C6orf89: variants seen among roughly 807,000 people sequenced by gnomAD.
The protein encoded by C6orf89 is chromosome 6 open reading frame 89.
In C6orf89, 29 loss-of-function variants were observed where a neutral mutation model predicts 40.7. The observed-to-expected ratio is 0.71, with a 90% CI of 0.53 to 0.97. C6orf89 has a LOEUF of 0.97. C6orf89 is among the 50% of genes least tolerant of loss of function. The pLI is 0.00. For missense variants in C6orf89, 392 were observed against 429.1 expected (o/e 0.91, Z 0.76); for synonymous variants, 165 against 152.2 (o/e 1.08, Z -0.62).
chr6:36,914,963 T>C lies in C6orf89; in HGVS notation c.695+270T>C, dbSNP rs181459524. On this transcript the variant is annotated intron_variant, in intron 6 of 8. Coordinates refer to ENST00000480824, the MANE Select transcript of C6orf89 (RefSeq NM_001286635.2). ...TGAGATCGCGCCATTGCCCTCCAGC[T>C]TGGGTGACAGAGTGAGACTGTGTCT... Among the ~76,000 whole-genome samples the C allele has an allele frequency of 2.6e-4, 39 of 152,252 alleles. No individual in the cohort carries two copies. The East Asian group carries it at 7.0e-3, about 27-fold the overall frequency.
intron 4 of C6orf89, among the ~76,000 whole-genome samples, chr6:36,911,936 C>CG (rs1240836504): frequency 7.1e-6 from 1 of 141,086 alleles, no homozygotes; most frequent in Admixed American, 7.1e-5. Flanking sequence ...GTGAACCCCC[C>CG]CCCCCCGACC....
At chr6:36,886,529 A>G (rs1774996112) in intron 1 of C6orf89, among the ~76,000 whole-genome samples, 1 of 152,236 alleles carries the variant, frequency 6.6e-6, no homozygotes, top group Non-Finnish European at 1.5e-5. Flanking sequence ...TTCTTGACAC[A>G]AGTAAAATAG....
intron 2 of C6orf89, among the ~76,000 whole-genome samples, chr6:36,895,528 T>C (rs914577589): frequency 2.0e-5 from 3 of 152,192 alleles, no homozygotes; most frequent in African/African-American, 7.2e-5. Context: ...TCCTTGCAGG[T>C]TTGTTAAAAA....
chr6:36,900,611 C>T (rs1761640994), intron 3 of C6orf89, among the ~76,000 whole-genome samples: 1 of 145,774 alleles, frequency 6.9e-6, no homozygotes, highest in African/African-American at 2.6e-5. Context: ...GTGATCCTCC[C>T]ATCTCAGCCT....
At chr6:36,907,402 G>A (rs756638717) in intron 4 of C6orf89, among the ~76,000 whole-genome samples, 2 of 152,164 alleles carry the variant, frequency 1.3e-5, no homozygotes, top group Non-Finnish European at 2.9e-5. Context: ...CAGCCTAAGT[G>A]AGTTTTCTTG....
At chr6:36,922,060 T>C (rs1053486858) in intron 8 of C6orf89, among the ~76,000 whole-genome samples, 2 of 151,718 alleles carry the variant, frequency 1.3e-5, no homozygotes, top group African/African-American at 4.8e-5. Context: ...TTTAAAGCCA[T>C]GCGCGATGGC....
chr6:36,885,931 C>T, upstream of C6orf89: 3 of 1,189,692 alleles, frequency 2.5e-6, no homozygotes, highest in Middle Eastern at 2.6e-4. Flanking sequence ...GGGGTTGCTT[C>T]CGGGTCGCGC....
At chr6:36,913,553 CA>C (rs1762199497) in intron 4 of C6orf89, among the ~76,000 whole-genome samples, 1 of 152,164 alleles carries the variant, frequency 6.6e-6, no homozygotes, top group Non-Finnish European at 1.5e-5. Flanking sequence ...TAATAGGGGT[CA>C]CCCTTCTATC....
At chr6:36,914,184 ATTATGATGTCT>A (rs1762228824) in intron 4 of C6orf89, 89 bp from the exon 5 acceptor site, 1 of 1,119,236 alleles carries the variant, frequency 8.9e-7, no homozygotes, top group Non-Finnish European at 1.3e-6. Flanking sequence ...AATAAAAGTC[ATTATGATGTCT>A]TTCCTTTCTT....
chr6:36,910,117 G>C (rs79788918), intron 4 of C6orf89, among the ~76,000 whole-genome samples: 127 of 151,884 alleles, frequency 8.4e-4, no homozygotes, highest in Middle Eastern at 3.4e-3. Context: ...CTATGGTTTG[G>C]AGTAGTTCCT....
Position 36,923,989 on chromosome 6 carries a change from G to A in C6orf89, c.*548G>A, listed in dbSNP as rs191533848. On this transcript the variant is annotated 3_prime_UTR_variant, in exon 9 of 9. Coordinates refer to ENST00000480824, the MANE Select transcript of C6orf89 (RefSeq NM_001286635.2). ...AAAAAAGTTCAGATAACTTTGAATT[G>A]CATTCAAGAAGTACACTTCTTTCCC... is the stretch of plus-strand genomic sequence containing the variant. 5.3e-6 allele frequency: 1 copy of A among 188,654 alleles called. No individual in the cohort carries two copies. The highest frequency in any genetic ancestry group is 1.3e-4 in the East Asian group (1 of 7,494). 11.7% of individuals were successfully genotyped at this position (188,654 alleles called of 1,614,324 possible). A position where few individuals can be genotyped will look rare whatever the true frequency, so the allele number is the denominator to read the frequency against.
At position 36,916,482 on chromosome 6, in the gene C6orf89, C is replaced by T; in HGVS notation, c.733C>T (p.Leu245Phe). The change falls in exon 7 of 9, where the codon CTT becomes TTT. Residue 245 changes from leucine (L) to phenylalanine (F), a missense_variant. By Grantham distance (22) the Leu-to-Phe change is conservative (BLOSUM62 0). Coordinates refer to ENST00000480824, the MANE Select transcript of C6orf89 (RefSeq NM_001286635.2). ...PLNRSQMLRE[L>F]FPVFTHLPFP... ...GAACAGATCACAAATGTTACGTGAGCTTTTTCCTGTTTTCACTCACCTGCC... is the reference window on the plus strand; with the variant it reads ...GAACAGATCACAAATGTTACGTGAGTTTTTTCCTGTTTTCACTCACCTGCC... The T allele has an allele frequency of 6.2e-7, 1 of 1,614,186 alleles. No individual in the cohort carries two copies. The highest frequency in any genetic ancestry group is 8.5e-7 in the Non-Finnish European group (1 of 1,180,028).
chr6:36,876,963 TCC>T (rs1016765919), intron 1 of C6orf89, among the ~76,000 whole-genome samples: 61 of 152,306 alleles, frequency 4.0e-4, no homozygotes, highest in African/African-American at 1.4e-3. Flanking sequence ...CATTCCTTCC[TCC>T]CAAAGGGTAG....
In C6orf89 at chr6:36,925,843, A is replaced by T. The variant is rs7757241; in HGVS notation, c.*2402A>T. On this transcript the variant is annotated 3_prime_UTR_variant, in exon 9 of 9. Coordinates refer to ENST00000480824, the MANE Select transcript of C6orf89 (RefSeq NM_001286635.2). ...CTCTGTATGACCCGGTGTGGGAAAG[A>T]GGGTTGTCAGGATGAGAAAGTGGGG... 42,774 of 152,132 alleles carry T rather than the reference A, an allele frequency of 0.28. 6,691 individuals are homozygous for T. Among genetic ancestry groups the T allele is most frequent in the African/African-American group, 0.42 (17,600 of 41,458 alleles). 9.4% of individuals were successfully genotyped at this position (152,132 alleles called of 1,614,324 possible).
chr6:36,890,433 A>G (rs1237005859), intron 1 of C6orf89, among the ~76,000 whole-genome samples: 1 of 152,182 alleles, frequency 6.6e-6, no homozygotes, highest in Non-Finnish European at 1.5e-5. Context: ...TTCACTTAGC[A>G]TAATGTCCTC....
intron 1 of C6orf89, among the ~76,000 whole-genome samples, chr6:36,893,987 G>A (rs1488045401): frequency 5.4e-5 from 8 of 148,392 alleles, no homozygotes; most frequent in African/African-American, 2.0e-4. Context: ...TTGCACCACT[G>A]TGCTCCAGCC....
rs955718130 is a variant in C6orf89 at position 36,926,003 on chromosome 6, G to C, written c.*2562G>C. On this transcript the variant is annotated 3_prime_UTR_variant, in exon 9 of 9. Coordinates refer to ENST00000480824, the MANE Select transcript of C6orf89 (RefSeq NM_001286635.2). ...ATTTACTAGGAAGTGACATGGCGAT[G>C]ACCTCTGTACATGAGTTAGGTTCAC... 1 of 152,266 alleles carries C rather than the reference G, an allele frequency of 6.6e-6. No individual in the cohort carries two copies. Among genetic ancestry groups the C allele is most frequent in the African/African-American group, 2.4e-5 (1 of 41,466 alleles). The allele number at this position is 152,266 out of a possible 1,614,324, so 9.4% of individuals were successfully genotyped here.
chr6:36,912,054 C>A (rs145620482), intron 4 of C6orf89, among the ~76,000 whole-genome samples: 1 of 151,372 alleles, frequency 6.6e-6, no homozygotes, highest in South Asian at 2.1e-4. Flanking sequence ...CCTAGAACAT[C>A]GAGAAATTCC....
chr6:36,926,636 G>T lies in C6orf89; in HGVS notation c.*3195G>T, dbSNP rs1209587357. On this transcript the variant is annotated 3_prime_UTR_variant, in exon 9 of 9. Transcript: ENST00000480824. ...GGAGGAGAGGAGAGCAGATTGGGGG[G>T]GCTCATGTTCTGAGAGAAAGGAATA... is the stretch of plus-strand genomic sequence containing the variant. The T allele has an allele frequency of 1.4e-5, 2 of 146,548 alleles. No homozygotes were observed. The highest frequency in any genetic ancestry group is 5.0e-5 in the African/African-American group (2 of 39,686). The allele number at this position is 146,548 out of a possible 1,614,324, so 9.1% of individuals were successfully genotyped here.
Sources: allele counts gnomAD v4.1 joint callset (sites outside exome capture counted in the v4.1 genomes callset), GRCh38; gene constraint gnomAD v4.1.1; transcripts MANE v1.5; gene names NCBI Gene and HGNC (gene_info 2026-07-23, HGNC 2026-07-21).